TTC12: variants seen among roughly 807,000 people sequenced by gnomAD.
TTC12 encodes tetratricopeptide repeat protein 12.
In TTC12, 70 loss-of-function variants were observed where a neutral mutation model predicts 90.1. The ratio of observed to expected loss-of-function variants is 0.78; its 90% confidence interval spans 0.64 to 0.95. TTC12 has a LOEUF of 0.95. Among genes scored for constraint, TTC12 ranks in the 40% least tolerant of loss-of-function variants. The pLI is 0.00. For synonymous variants in TTC12, 296 were observed against 311.5 expected, an observed-to-expected ratio of 0.95 and a Z score of 0.53; for missense variants, 819 against 846.1, an observed-to-expected ratio of 0.97 and a Z score of 0.40.
intron 13 of TTC12, among the ~76,000 whole-genome samples, chr11:113,348,860 A>C (rs114594404): frequency 0.016 from 2,453 of 152,306 alleles, 39 homozygotes; most frequent in African/African-American, 0.051. Context: ...GGCTCTGTCC[A>C]GCTCTCTACC....
At chr11:113,330,080 C>A in intron 7 of TTC12, 101 bp downstream of exon 7, 1 of 896,988 alleles carries the variant, frequency 1.1e-6, no homozygotes, top group Non-Finnish European at 1.9e-6. Flanking sequence ...CCTCTGTAGC[C>A]AGAGCTTCAG....
At chr11:113,349,164 A>G (rs562691664) in intron 13 of TTC12, among the ~76,000 whole-genome samples, 5 of 152,366 alleles carry the variant, frequency 3.3e-5, no homozygotes, top group South Asian at 2.1e-4. Flanking sequence ...CTACACTTCA[A>G]GAGACACTGA....
intron 20 of TTC12, chr11:113,364,591 A>T: frequency 3.8e-6 from 2 of 520,586 alleles, no homozygotes; most frequent in Non-Finnish European, 7.0e-6. Flanking sequence ...CATTCATCTA[A>T]CAACTGTGTT....
intron 7 of TTC12, among the ~76,000 whole-genome samples, chr11:113,331,756 G>A (rs1555142610): frequency 6.6e-6 from 1 of 152,228 alleles, no homozygotes; most frequent in African/African-American, 2.4e-5. Flanking sequence ...AATTAACGGT[G>A]AAACCGAGGC....
intron 20 of TTC12, chr11:113,364,371 A>C: frequency 4.6e-6 from 1 of 219,022 alleles, no homozygotes; most frequent in Non-Finnish European, 9.2e-6. Flanking sequence ...CTTCTTACCA[A>C]CTCCCTGGAA....
rs189185272 is a variant in TTC12, at chr11:113,373,129, G to A, written c.*126G>A. Reference sequence around the variant, plus strand: ...TCATTATTCTCCCTTTACAGATGAGGAAACTGAGGTGCAAAGCAGTTAAGC... The same window carrying A: ...TCATTATTCTCCCTTTACAGATGAGAAAACTGAGGTGCAAAGCAGTTAAGC... On this transcript the variant is annotated 3_prime_UTR_variant, in exon 22 of 22. Transcript: ENST00000314756. The A allele has an allele frequency of 2.3e-4, 210 of 908,802 alleles. No homozygotes were observed. In the South Asian group the frequency reaches 3.0e-3, roughly 13 times the overall value. The allele number at this position is 908,802 out of a possible 1,614,324, so 56.3% of individuals were successfully genotyped here. A position where few individuals can be genotyped will look rare whatever the true frequency, so the allele number is the denominator to read the frequency against.
At chr11:113,336,933 T>C (rs998065322) in intron 8 of TTC12, among the ~76,000 whole-genome samples, 18 of 152,256 alleles carry the variant, frequency 1.2e-4, no homozygotes, top group African/African-American at 4.3e-4. Context: ...TAAATCAATT[T>C]GGCAAGTACT....
At position 113,338,906 on chromosome 11, in the gene TTC12, C is replaced by A. The variant is rs914203142; in HGVS notation, c.637+72C>A. On this transcript the variant is annotated intron_variant, in intron 9 of 21. Transcript: ENST00000529221. ...CTGCCCCCTGCCTTAGAATGCCTTC[C>A]GTGCTTTCACTGCCCTTGGCCACTA... 6.4e-5 allele frequency: 88 copies of A among 1,381,194 alleles called. No homozygotes were observed. In the Admixed American group the frequency reaches 1.5e-3, roughly 24 times the overall value. 85.6% of individuals were successfully genotyped at this position (1,381,194 alleles called of 1,614,324 possible).
rs200014599 is a variant in TTC12 at position 113,359,426 on chromosome 11, A to G, written c.1510A>G (p.Met504Val). 7.4e-6 allele frequency: 12 copies of G among 1,613,554 alleles called. No homozygotes were observed. In the East Asian group the frequency reaches 2.0e-4, roughly 27 times the overall value. ...TATCTACACACTCCTGGGACTCATG[A>G]TGAACCTGTGTCTTCAGGCTCCCTT... ...EVIYTLLGLM[M>V]NLCLQAPFVS... The change falls in exon 17 of 22, where the codon ATG becomes GTG. Residue 504 changes from methionine (M) to valine (V), a missense_variant. Transcript: ENST00000529221.
intron 8 of TTC12, among the ~76,000 whole-genome samples, chr11:113,337,376 C>T (rs7114433): frequency 0.6 from 91,011 of 151,990 alleles, 27,514 homozygotes; most frequent in Middle Eastern, 0.64. Flanking sequence ...TGGTAAGTAG[C>T]ATTGAGAAAA....
At chr11:113,319,190 G>A (rs1282620728) in intron 2 of TTC12, among the ~76,000 whole-genome samples, 1 of 152,112 alleles carries the variant, frequency 6.6e-6, no homozygotes, top group Non-Finnish European at 1.5e-5. Flanking sequence ...CCCAAATCCT[G>A]TAACTCCAGT....
intron 5 of TTC12, among the ~76,000 whole-genome samples, chr11:113,325,219 T>G (rs1555140520): frequency 6.6e-6 from 1 of 152,130 alleles, no homozygotes; most frequent in Non-Finnish European, 1.5e-5. Flanking sequence ...TATTTGACCC[T>G]CTTTATGAGA....
At chr11:113,362,034 C>T (rs933353149) in intron 18 of TTC12, among the ~76,000 whole-genome samples, 31 of 150,934 alleles carry the variant, frequency 2.1e-4, no homozygotes, top group Admixed American at 1.5e-3. Flanking sequence ...GACAAAGATT[C>T]GAAAAGATAA....
chr11:113,324,594 C>T lies in TTC12; in HGVS notation c.245-11C>T. 6.2e-7 allele frequency: 1 copy of T among 1,609,010 alleles called. No individual in the cohort carries two copies. The highest frequency in any genetic ancestry group is 8.5e-7 in the Non-Finnish European group (1 of 1,177,566). ...TTTTCTTTTTAATATCTGAAATTAC[C>T]CTGCTGTCAGAGGCCTTCTTGGCAT... On this transcript the variant is annotated splice_polypyrimidine_tract_variant and intron_variant, in intron 4 of 21. Coordinates refer to ENST00000529221, the MANE Select transcript of TTC12 (RefSeq NM_017868.4).
At chr11:113,338,465 G>A (rs542328273) in intron 8 of TTC12, among the ~76,000 whole-genome samples, 6 of 152,168 alleles carry the variant, frequency 3.9e-5, no homozygotes, top group African/African-American at 1.4e-4. Context: ...TAAGTTTTGC[G>A]TTTACTTTAT....
At chr11:113,344,543 G>A in intron 13 of TTC12, 103 bp downstream of exon 13, 1 of 1,224,990 alleles carries the variant, frequency 8.2e-7, no homozygotes, top group Non-Finnish European at 1.1e-6. Flanking sequence ...TGACTTGAAG[G>A]ATCAATAACA....
At chr11:113,324,555 T>G in intron 4 of TTC12, 50 bp from the exon 5 acceptor site, 1 of 1,502,972 alleles carries the variant, frequency 6.7e-7, no homozygotes. Context: ...AAGAACTGAT[T>G]ATAGTATTTG....
At chr11:113,348,733 A>G (rs929327521) in intron 13 of TTC12, among the ~76,000 whole-genome samples, 1 of 152,236 alleles carries the variant, frequency 6.6e-6, no homozygotes, top group Non-Finnish European at 1.5e-5. Flanking sequence ...CCTCCCACTC[A>G]GAGTAACTGA....
intron 12 of TTC12, 150 bp from the exon 13 acceptor site, chr11:113,344,122 T>A (rs543987935): frequency 1.7e-4 from 150 of 891,420 alleles, no homozygotes; most frequent in Non-Finnish European, 2.3e-4. Context: ...GACCCAGCAG[T>A]CTGGTTCTAG....
Sources: gnomAD v4.1 joint callset for allele counts (sites outside exome capture counted in the v4.1 genomes callset) on GRCh38, gnomAD v4.1.1 for gene constraint, MANE v1.5 for transcripts, NCBI Gene and HGNC (gene_info 2026-07-23, HGNC 2026-07-21) for gene names.